Variants in ADAM12 observed in about 807,000 individuals in gnomAD.
ADAM12 encodes the protein ADAM metallopeptidase domain 12, also known as disintegrin and metalloproteinase domain-containing protein 12.
ADAM12 carries 70 observed loss-of-function variants against 106.4 expected under a neutral mutation model. The observed-to-expected ratio is 0.66, with a 90% CI of 0.54 to 0.80. ADAM12 has a LOEUF of 0.80. Ranked by LOEUF, ADAM12 falls within the 30% of genes least tolerant of loss-of-function variation. ADAM12 has a pLI of 0.00. For synonymous variants in ADAM12, 420 were observed against 433.5 expected (o/e 0.97, Z 0.39); for missense variants, 1,010 against 1,171.9 (o/e 0.86, Z 2.02).
intron 10 of ADAM12, among the ~76,000 whole-genome samples, chr10:126,095,305 CA>C (rs1955535922): frequency 6.6e-6 from 1 of 150,476 alleles, no homozygotes; most frequent in South Asian, 2.1e-4. Flanking sequence ...GAGGCTGAGG[CA>C]GGGGGATCAT....
At chr10:126,174,146 C>T (rs1011995124) in intron 3 of ADAM12, among the ~76,000 whole-genome samples, 26 of 150,344 alleles carry the variant, frequency 1.7e-4, no homozygotes, top group Admixed American at 1.3e-3. Context: ...GTAGCTGGGA[C>T]GATATTTTAT....
chr10:126,046,553 C>A (rs1453609379), intron 16 of ADAM12, among the ~76,000 whole-genome samples: 1 of 151,828 alleles, frequency 6.6e-6, no homozygotes, highest in East Asian at 1.9e-4. Context: ...TCCTGTAATA[C>A]CAGCACTTTG....
intron 3 of ADAM12, among the ~76,000 whole-genome samples, chr10:126,260,997 C>G (rs572638560): frequency 1.3e-5 from 2 of 151,964 alleles, no homozygotes; most frequent in Non-Finnish European, 2.9e-5. Flanking sequence ...AAAAATGATA[C>G]AAATTTAAAA....
intron 8 of ADAM12, 124 bp from the exon 9 acceptor site, chr10:126,101,365 G>A (rs937099826): frequency 1.4e-5 from 13 of 925,934 alleles, no homozygotes; most frequent in Non-Finnish European, 2.0e-5. Context: ...ATATCTCTGT[G>A]CTCTTTGGTT....
At chr10:126,216,611 G>A (rs995137476) in intron 3 of ADAM12, among the ~76,000 whole-genome samples, 4 of 152,318 alleles carry the variant, frequency 2.6e-5, no homozygotes, top group Non-Finnish European at 4.4e-5. Context: ...TCTCCTGACC[G>A]TCATGTGAAA....
chr10:126,358,104 G>C (rs969845424), intron 1 of ADAM12, among the ~76,000 whole-genome samples: 1 of 151,672 alleles, frequency 6.6e-6, no homozygotes, highest in Non-Finnish European at 1.5e-5. Flanking sequence ...CATGAACCCC[G>C]GGGGGTGGAA....
intron 10 of ADAM12, among the ~76,000 whole-genome samples, chr10:126,094,432 A>G (rs1407079563): frequency 6.6e-6 from 1 of 152,114 alleles, no homozygotes; most frequent in African/African-American, 2.4e-5. Flanking sequence ...TCTGCTTCCT[A>G]CAATTGCCCC....
At chr10:126,274,362 C>T (rs1403002860) in intron 3 of ADAM12, among the ~76,000 whole-genome samples, 3 of 152,308 alleles carry the variant, frequency 2.0e-5, no homozygotes, top group Admixed American at 6.5e-5. Context: ...TACCCCCACA[C>T]GCTCAGGTGG....
chr10:126,126,234 C>T (rs1324287205), intron 5 of ADAM12, among the ~76,000 whole-genome samples: 2 of 152,070 alleles, frequency 1.3e-5, no homozygotes, highest in African/African-American at 4.8e-5. Context: ...CAGGGTCACG[C>T]ACAGCACTAA....
At chr10:126,120,956 T>TATATATTATATATTACATATGTAATATA (rs1404849156) in intron 5 of ADAM12, among the ~76,000 whole-genome samples, 2 of 137,412 alleles carry the variant, frequency 1.5e-5, no homozygotes, top group Non-Finnish European at 3.1e-5. Context: ...TGTAATATAA[T>TATATATTATATATTACATATGTAATATA]ATATATTATA....
intron 3 of ADAM12, among the ~76,000 whole-genome samples, chr10:126,272,370 G>A (rs1326803744): frequency 1.3e-5 from 2 of 152,128 alleles, no homozygotes; most frequent in African/African-American, 4.8e-5. Flanking sequence ...GGCAGATTAG[G>A]CCAATGTTTT....
intron 3 of ADAM12, among the ~76,000 whole-genome samples, chr10:126,194,286 A>G (rs1590599515): frequency 6.6e-6 from 1 of 151,564 alleles, no homozygotes; most frequent in East Asian, 1.9e-4. Context: ...CTCAAAAAAA[A>G]AAAAAAAAAA....
intron 3 of ADAM12, among the ~76,000 whole-genome samples, chr10:126,174,503 C>T (rs74158377): frequency 7.4e-4 from 113 of 152,104 alleles, no homozygotes; most frequent in African/African-American, 2.7e-3. Flanking sequence ...TGTCCATTTT[C>T]CCTATATTTT....
At chr10:126,178,978 C>T (rs112770113) in intron 3 of ADAM12, among the ~76,000 whole-genome samples, 1,866 of 151,756 alleles carry the variant, frequency 0.012, 54 homozygotes, top group African/African-American at 0.042. Flanking sequence ...ACCCAGGAGG[C>T]GGAGGCTGCG....
chr10:126,214,328 G>A (rs7091898), intron 3 of ADAM12, among the ~76,000 whole-genome samples: 92,287 of 152,072 alleles, frequency 0.61, 31,092 homozygotes, highest in South Asian at 0.84. Flanking sequence ...TATCTGTAAC[G>A]TGGGGGAGGG....
rs146480363 is a variant in ADAM12, at chr10:126,143,510, G to T, written c.340-7850C>A. Among the ~76,000 whole-genome samples, 5 of 151,458 alleles carry T rather than the reference G, an allele frequency of 3.3e-5. No homozygotes were observed. In the South Asian group the frequency reaches 8.4e-4, roughly 25 times the overall value. ...GCATATATGTATATGTGTGGATGTG[G>T]GTGTGCATGTGTGTATATGTACATG... On this transcript the variant is annotated intron_variant, in intron 4 of 22. Transcript: ENST00000448723.
intron 1 of ADAM12, among the ~76,000 whole-genome samples, chr10:126,357,322 G>C (rs1045166519): frequency 6.6e-6 from 1 of 152,028 alleles, no homozygotes; most frequent in Admixed American, 6.6e-5. Flanking sequence ...AAGTGCTGAG[G>C]GAGGGGGAAA....
chr10:126,309,373 G>A (rs1163429309), intron 2 of ADAM12, among the ~76,000 whole-genome samples: 1 of 152,212 alleles, frequency 6.6e-6, no homozygotes, highest in Non-Finnish European at 1.5e-5. Context: ...GGGAACACTT[G>A]TTGAGTCACT....
intron 3 of ADAM12, among the ~76,000 whole-genome samples, chr10:126,252,992 C>CTGA (rs553040893): frequency 6.9e-4 from 105 of 152,296 alleles, no homozygotes; most frequent in African/African-American, 2.4e-3. Context: ...CAACCATGCT[C>CTGA]TGATATGTGC....
Sources: allele counts gnomAD v4.1 joint callset (sites outside exome capture counted in the v4.1 genomes callset), GRCh38; gene constraint gnomAD v4.1.1; transcripts MANE v1.5; gene names NCBI Gene and HGNC (gene_info 2026-07-23, HGNC 2026-07-21).